RARB: variants seen among roughly 807,000 people sequenced by gnomAD.
RARB encodes HBV-activated protein.
In RARB, 17 loss-of-function variants were observed where a neutral mutation model predicts 51.9. That is an observed-to-expected ratio of 0.33 (90% confidence interval 0.22 to 0.49). The LOEUF is 0.49. Among genes scored for constraint, RARB ranks in the 20% least tolerant of loss-of-function variants. The pLI, the probability that RARB is intolerant of heterozygous loss-of-function variation, is 0.99. For missense variants in RARB, 369 were observed against 550.8 expected, an observed-to-expected ratio of 0.67 and a Z score of 3.30; for synonymous variants, 215 against 195.4, an observed-to-expected ratio of 1.10 and a Z score of -0.84.
At chr3:25,175,583 T>C (rs536782384) in intron 5 of RARB, among the ~76,000 whole-genome samples, 3 of 152,314 alleles carry the variant, frequency 2.0e-5, no homozygotes, top group East Asian at 3.9e-4. Context: ...TTGTTCTACC[T>C]AAGTAGAATC....
intron 2 of RARB, among the ~76,000 whole-genome samples, chr3:25,021,289 T>G (rs1697630389): frequency 6.6e-6 from 1 of 152,202 alleles, no homozygotes; most frequent in South Asian, 2.1e-4. Flanking sequence ...GTTTCTGTAT[T>G]TATGTCAGTC....
chr3:25,446,840 T>TAAAAAACA (rs1708968607), intron 1 of RARB, among the ~76,000 whole-genome samples: 1 of 127,154 alleles, frequency 7.9e-6, no homozygotes, highest in African/African-American at 3.3e-5. Context: ...AATTAAAAAA[T>TAAAAAACA]GAATAGGACT....
chr3:24,963,417 CTTG>C (rs34215998), intron 2 of RARB, among the ~76,000 whole-genome samples: 29,309 of 147,434 alleles, frequency 0.2, 3,630 homozygotes, highest in East Asian at 0.35. Flanking sequence ...GCTTCCCATC[CTTG>C]TTGTCACGCT....
At chr3:25,279,960 G>C (rs1053300906) in intron 5 of RARB, among the ~76,000 whole-genome samples, 1 of 152,162 alleles carries the variant, frequency 6.6e-6, no homozygotes, top group Non-Finnish European at 1.5e-5. Context: ...AGTTGTAGGG[G>C]AGGGAAGATT....
chr3:25,551,162 C>T (rs572559448), intron 3 of RARB, among the ~76,000 whole-genome samples: 1 of 152,160 alleles, frequency 6.6e-6, no homozygotes, highest in Admixed American at 6.5e-5. Flanking sequence ...AAATGCTGTC[C>T]TCATAGTGGG....
At chr3:25,050,338 C>T (rs1408713187) in intron 2 of RARB, among the ~76,000 whole-genome samples, 3 of 152,052 alleles carry the variant, frequency 2.0e-5, no homozygotes, top group African/African-American at 7.2e-5. Flanking sequence ...CCAAAGTCAT[C>T]ATGAAATGGT....
chr3:25,441,885 A>G (rs1010099755), intron 1 of RARB, among the ~76,000 whole-genome samples: 18 of 152,118 alleles, frequency 1.2e-4, no homozygotes, highest in Admixed American at 6.6e-4. Context: ...TACTTGGTCT[A>G]TGATCCTCAG....
intron 4 of RARB, among the ~76,000 whole-genome samples, chr3:25,133,363 C>T (rs527944579): frequency 6.4e-4 from 97 of 151,932 alleles, no homozygotes; most frequent in African/African-American, 2.0e-3. Context: ...CTGCTTTTGC[C>T]GGGATATTTT....
chr3:25,269,298 A>G (rs904363643), intron 5 of RARB, among the ~76,000 whole-genome samples: 4 of 152,138 alleles, frequency 2.6e-5, no homozygotes, highest in African/African-American at 7.2e-5. Flanking sequence ...GCAATAACCT[A>G]TTATTTATTA....
chr3:25,117,542 A>G (rs1699708448), intron 3 of RARB, among the ~76,000 whole-genome samples: 2 of 152,312 alleles, frequency 1.3e-5, no homozygotes, highest in South Asian at 2.1e-4. Context: ...TAGGATTTCA[A>G]GCATGACTGA....
intron 3 of RARB, among the ~76,000 whole-genome samples, chr3:25,104,582 T>C (rs1403758890): frequency 6.6e-6 from 1 of 152,120 alleles, no homozygotes; most frequent in Non-Finnish European, 1.5e-5. Context: ...AGGTGGAGAT[T>C]GGAGTGAGCT....
chr3:25,285,668 TAGAC>T (rs1703632419), intron 5 of RARB, among the ~76,000 whole-genome samples: 1 of 152,016 alleles, frequency 6.6e-6, no homozygotes, highest in South Asian at 2.1e-4. Flanking sequence ...TCAGGTGAAA[TAGAC>T]AGACTGGGTA....
intron 3 of RARB, among the ~76,000 whole-genome samples, chr3:25,127,121 G>A (rs948040644): frequency 1.3e-5 from 2 of 152,046 alleles, no homozygotes; most frequent in Non-Finnish European, 2.9e-5. Context: ...TGCCCTACAG[G>A]AACCAGGTGA....
At chr3:25,133,341 A>T (rs1393668363) in intron 4 of RARB, among the ~76,000 whole-genome samples, 1 of 151,982 alleles carries the variant, frequency 6.6e-6, no homozygotes, top group Non-Finnish European at 1.5e-5. Flanking sequence ...CATTTCTTAA[A>T]AGAGTGCTCC....
intron 3 of RARB, among the ~76,000 whole-genome samples, chr3:25,118,742 GC>G (rs1699731566): frequency 6.6e-6 from 1 of 152,016 alleles, no homozygotes; most frequent in African/African-American, 2.4e-5. Context: ...ACCTGGTTTT[GC>G]TTAGCAATGA....
chr3:24,950,702 AG>A (rs1423826410), intron 2 of RARB, among the ~76,000 whole-genome samples: 1 of 138,108 alleles, frequency 7.2e-6, no homozygotes, highest in African/African-American at 3.0e-5. Flanking sequence ...GAGAAGAGGA[AG>A]CAGGAAAAGG....
At chr3:24,983,203 T>C (rs1345119333) in intron 2 of RARB, among the ~76,000 whole-genome samples, 1 of 152,130 alleles carries the variant, frequency 6.6e-6, no homozygotes, top group Non-Finnish European at 1.5e-5. Flanking sequence ...TACACACATC[T>C]GCCAACCTCA....
chr3:25,378,905 G>C (rs927004410), intron 5 of RARB, among the ~76,000 whole-genome samples: 1 of 152,190 alleles, frequency 6.6e-6, no homozygotes, highest in Admixed American at 6.5e-5. Context: ...CATAATATCA[G>C]ACAAAAGGGA....
chr3:25,187,378 G>A (rs1701003392), intron 5 of RARB, among the ~76,000 whole-genome samples: 1 of 151,936 alleles, frequency 6.6e-6, no homozygotes, highest in Non-Finnish European at 1.5e-5. Context: ...AGGCAAGTGG[G>A]TAGGATAAAG....
Sources: gnomAD v4.1 joint callset for allele counts (sites outside exome capture counted in the v4.1 genomes callset) on GRCh38, gnomAD v4.1.1 for gene constraint, MANE v1.5 for transcripts, NCBI Gene and HGNC (gene_info 2026-07-23, HGNC 2026-07-21) for gene names.